MYH15: variants seen among roughly 807,000 people sequenced by gnomAD.
The protein encoded by MYH15 is myosin-15.
In MYH15, 227 loss-of-function variants were observed where a neutral mutation model predicts 240.5. That is an observed-to-expected ratio of 0.94 (90% CI 0.85 to 1.05). The LOEUF (loss-of-function observed/expected upper bound fraction) is 1.05, where lower values mean the gene tolerates loss of function less well. Ranked by LOEUF, MYH15 falls within the 50% of genes least tolerant of loss-of-function variation. MYH15 has a pLI of 0.00. For missense variants in MYH15, 2,217 were observed against 2,247.5 expected (o/e 0.99, Z 0.27); for synonymous variants, 785 against 796.7 (o/e 0.99, Z 0.25).
chr3:108,470,814 T>C lies in MYH15; in HGVS notation c.1267A>G (p.Met423Val). 1 of 1,613,824 alleles carries C rather than the reference T, an allele frequency of 6.2e-7. No individual in the cohort carries two copies. The highest frequency in any genetic ancestry group is 8.5e-7 in the Non-Finnish European group (1 of 1,179,824). The change falls in exon 13 of 41, where the codon ATG becomes GTG. Residue 423 changes from methionine (M) to valine (V), a missense_variant. Physicochemically the swap from Met to Val is conservative, Grantham distance 21. Transcript: ENST00000693548. Reference sequence around the variant, plus strand: ...AGCCACTTAAACATCCTTTCATACATTGACTTGGACAGGGCACCGACAGCA... The same window carrying C: ...AGCCACTTAAACATCCTTTCATACACTGACTTGGACAGGGCACCGACAGCA... ...TCAVGALSKSMYERMFKWLVA... is the reference protein window; with the variant it reads ...TCAVGALSKSVYERMFKWLVA...
chr3:108,424,945 C>T (rs941609923), intron 27 of MYH15, among the ~76,000 whole-genome samples: 1 of 152,086 alleles, frequency 6.6e-6, no homozygotes, highest in Non-Finnish European at 1.5e-5. Flanking sequence ...AAGAGGTATA[C>T]GTAAAAGTTG....
chr3:108,453,256 A>G (rs2082989996), intron 21 of MYH15, among the ~76,000 whole-genome samples: 1 of 152,202 alleles, frequency 6.6e-6, no homozygotes. Context: ...AAGACCCTTA[A>G]GAGTCATCTC....
chr3:108,410,469 T>C, intron 31 of MYH15, 114 bp downstream of exon 31: 2 of 652,884 alleles, frequency 3.1e-6, no homozygotes, highest in Non-Finnish European at 4.8e-6. Flanking sequence ...GTATAAAAAT[T>C]GAAAAGTTAA....
In MYH15 at chr3:108,474,765, T is replaced by C. The variant is rs72941711; in HGVS notation, c.1233+1632A>G. 9.2e-3 allele frequency among the ~76,000 whole-genome samples: 1,398 copies of C among 152,326 alleles called. 21 individuals are homozygous for C. The highest frequency in any genetic ancestry group is 0.032 in the African/African-American group (1,317 of 41,576). On this transcript the variant is annotated intron_variant, in intron 12 of 40. Coordinates refer to ENST00000693548, the MANE Select transcript of MYH15 (RefSeq NM_014981.3). The stretch of plus-strand genomic sequence containing the variant: ...AATGTCTAAGAAGGTATGAAACTGC[T>C]GAACAACTCTAACCCCCTGCCAAGA...
chr3:108,427,657 A>AAG (rs1166093050), intron 27 of MYH15, among the ~76,000 whole-genome samples: 16 of 111,252 alleles, frequency 1.4e-4, no homozygotes, highest in South Asian at 3.3e-4. Flanking sequence ...GAGAGAGAGA[A>AAG]AGAGAGAGAG....
At chr3:108,444,939 T>C (rs1344085979) in intron 21 of MYH15, 44 bp from the exon 22 acceptor site, 2 of 1,540,202 alleles carry the variant, frequency 1.3e-6, no homozygotes, top group Admixed American at 2.2e-5. Context: ...GCCCTGACTA[T>C]AGGAGAATTA....
chr3:108,490,414 C>CA (rs1317028764), intron 9 of MYH15, among the ~76,000 whole-genome samples: 1 of 152,178 alleles, frequency 6.6e-6, no homozygotes, highest in African/African-American at 2.4e-5. Flanking sequence ...TCTGTGGGAG[C>CA]ATTGTTGTCC....
upstream of MYH15, among the ~76,000 whole-genome samples, chr3:108,514,466 T>C (rs911952301): frequency 2.6e-5 from 4 of 152,212 alleles, no homozygotes; most frequent in Admixed American, 2.0e-4. Flanking sequence ...GCAATATATA[T>C]GTATTGCCCA....
Position 108,444,735 on chromosome 3 carries a change from C to T in MYH15, c.2560G>A (p.Ala854Thr). ...CTCTGAAACTCTGATTTCTCCAAGG[C>T]TTTCTGTAATTGTGCACACTCTTCC... The part of the protein sequence containing the change: ...LKEECAQLQK[A>T]LEKSEFQREE... The change falls in exon 22 of 41, where the codon GCC becomes ACC. Residue 854 changes from alanine (A) to threonine (T), a missense_variant. Transcript: ENST00000693548. 2 of 1,613,972 alleles carry T rather than the reference C, an allele frequency of 1.2e-6. No homozygotes were observed. The highest frequency in any genetic ancestry group is 1.7e-6 in the Non-Finnish European group (2 of 1,179,964).
rs116218094 is a variant in MYH15, at chr3:108,458,766, C to T, written c.2020+596G>A. On this transcript the variant is annotated intron_variant, in intron 18 of 40. Transcript: ENST00000693548. ...AATTGAAAACATTAAAAAAAAAAAT[C>T]ACTACCATCCACCTATCACATCATC... is the stretch of plus-strand genomic sequence containing the variant. Among the ~76,000 whole-genome samples, 1,389 of 151,194 alleles carry T rather than the reference C, an allele frequency of 9.2e-3. 15 individuals are homozygous for T. Among genetic ancestry groups the T allele is most frequent in the Non-Finnish European group, 0.012 (816 of 67,790 alleles).
At chr3:108,429,786 T>C (rs1049241949) in intron 26 of MYH15, among the ~76,000 whole-genome samples, 6 of 152,166 alleles carry the variant, frequency 3.9e-5, no homozygotes, top group Non-Finnish European at 8.8e-5. Context: ...GTCTATCAGT[T>C]CTATAGATGA....
At chr3:108,382,164 A>G (rs2082348723) in intron 40 of MYH15, among the ~76,000 whole-genome samples, 1 of 152,162 alleles carries the variant, frequency 6.6e-6, no homozygotes, top group African/African-American at 2.4e-5. Context: ...AAGTCATTAC[A>G]TGGGGTTGCT....
At chr3:108,491,673 C>G (rs139125706) in intron 9 of MYH15, among the ~76,000 whole-genome samples, 1 of 152,280 alleles carries the variant, frequency 6.6e-6, no homozygotes, top group East Asian at 1.9e-4. Context: ...ACACTGCCTT[C>G]AATAAATCAT....
intron 25 of MYH15, among the ~76,000 whole-genome samples, chr3:108,434,560 C>G (rs1249155427): frequency 2.9e-4 from 3 of 10,422 alleles, no homozygotes; most frequent in African/African-American, 1.1e-3. Flanking sequence ...ATATTAATAA[C>G]ATATTAATTC....
chr3:108,441,052 T>G lies in MYH15; in HGVS notation c.2864A>C (p.Lys955Thr). 1 of 1,614,170 alleles carries G rather than the reference T, an allele frequency of 6.2e-7. No individual in the cohort carries two copies. The highest frequency in any genetic ancestry group is 8.5e-7 in the Non-Finnish European group (1 of 1,180,004). The change falls in exon 23 of 41, where the codon AAG becomes ACG. Residue 955 changes from lysine to threonine, a missense_variant. Transcript: ENST00000693548. ...EIDDLETMLV[K>T]SEKEKRTTEH... is the part of the protein sequence containing the mutation. ...TGTAGTACGCTTCTCCTTCTCTGAC[T>G]TCACCAACATTGTTTCCAGGTCATC...
At chr3:108,528,299 G>A (rs1301133940) in intron 1 of MYH15, among the ~76,000 whole-genome samples, 2 of 151,944 alleles carry the variant, frequency 1.3e-5, no homozygotes, top group Non-Finnish European at 2.9e-5. Context: ...ATTATATTGG[G>A]GGCATATATA....
chr3:108,535,757 C>G, the MYH15 span, among the ~76,000 whole-genome samples: 1 of 151,956 alleles, frequency 6.6e-6, no homozygotes, highest in East Asian at 1.9e-4. Context: ...TTAACTGTTT[C>G]GACTTATTAT....
At chr3:108,393,220 G>A (rs1333524680) in intron 36 of MYH15, among the ~76,000 whole-genome samples, 1 of 152,184 alleles carries the variant, frequency 6.6e-6, no homozygotes, top group Non-Finnish European at 1.5e-5. Context: ...GTTGCATGTG[G>A]CTGTGCATTT....
At chr3:108,549,408 C>T in the MYH15 span, among the ~76,000 whole-genome samples, 1 of 151,906 alleles carries the variant, frequency 6.6e-6, no homozygotes, top group Non-Finnish European at 1.5e-5. Flanking sequence ...GATTAGTACT[C>T]ACCTTCTTCA....
Sources: allele counts gnomAD v4.1 joint callset (sites outside exome capture counted in the v4.1 genomes callset), GRCh38; gene constraint gnomAD v4.1.1; transcripts MANE v1.5; gene names NCBI Gene and HGNC (gene_info 2026-07-23, HGNC 2026-07-21).